The following CHD9NB variants were observed in gnomAD, a reference collection of about 807,000 sequenced individuals.
CHD9NB encodes CHD9 neighbor protein.
At chr16:53,041,425 C>T in the CHD9NB span, among the ~76,000 whole-genome samples, 1 of 152,224 alleles carries the variant, frequency 6.6e-6, no homozygotes, top group Admixed American at 6.5e-5. Flanking sequence ...TGCAGCATGC[C>T]TGCCACAGCT....
the CHD9NB span, among the ~76,000 whole-genome samples, chr16:53,037,909 T>C: frequency 0.058 from 8,823 of 152,202 alleles, 450 homozygotes; most frequent in East Asian, 0.17. Flanking sequence ...ACAGAATATA[T>C]CGAGATATAT....
the CHD9NB span, among the ~76,000 whole-genome samples, chr16:53,039,306 C>A: frequency 6.6e-6 from 1 of 152,180 alleles, no homozygotes; most frequent in African/African-American, 2.4e-5. Context: ...CGATGTCTCT[C>A]CTTCTCTCCA....
chr16:53,042,592 C>T, the CHD9NB span, among the ~76,000 whole-genome samples: 10 of 151,442 alleles, frequency 6.6e-5, no homozygotes, highest in East Asian at 2.0e-4. Flanking sequence ...CCTCCCTCCC[C>T]GTCCCCCACC....
At chr16:53,038,715 T>C in the CHD9NB span, among the ~76,000 whole-genome samples, 1 of 152,132 alleles carries the variant, frequency 6.6e-6, no homozygotes, top group Non-Finnish European at 1.5e-5. Flanking sequence ...GGTTTTATTG[T>C]AGGGGAGAGA....
At chr16:53,040,172 C>T in the CHD9NB span, among the ~76,000 whole-genome samples, 4 of 152,014 alleles carry the variant, frequency 2.6e-5, no homozygotes, top group South Asian at 2.1e-4. Flanking sequence ...CAGATTCAAG[C>T]GATTCTCGTG....
chr16:53,049,322 T>TTGTGTGTG, the CHD9NB span, among the ~76,000 whole-genome samples: 3,536 of 144,960 alleles, frequency 0.024, 157 homozygotes, highest in African/African-American at 0.087. Context: ...CCCCCAGCTG[T>TTGTGTGTG]TGTGTGTGTG....
chr16:53,039,224 G>C, the CHD9NB span, among the ~76,000 whole-genome samples: 5 of 152,156 alleles, frequency 3.3e-5, no homozygotes, highest in African/African-American at 1.2e-4. Flanking sequence ...GAGTTTATTG[G>C]CTTGTGAATC....
At chr16:53,037,072 AT>A in the CHD9NB span, among the ~76,000 whole-genome samples, 1 of 151,984 alleles carries the variant, frequency 6.6e-6, no homozygotes, top group Non-Finnish European at 1.5e-5. Flanking sequence ...AGTAGCTGGG[AT>A]TACAGGCACA....
chr16:53,043,814 C>T, the CHD9NB span: 1 of 392,848 alleles, frequency 2.5e-6, no homozygotes. Context: ...TCCTTATAGA[C>T]TTATCCTCCC....
At chr16:53,049,260 A>G in the CHD9NB span, among the ~76,000 whole-genome samples, 1 of 151,890 alleles carries the variant, frequency 6.6e-6, no homozygotes, top group Non-Finnish European at 1.5e-5. Flanking sequence ...GGCTCAAGCC[A>G]TCCTCCTGCC....
chr16:53,050,823 C>T, the CHD9NB span, among the ~76,000 whole-genome samples: 2 of 152,096 alleles, frequency 1.3e-5, no homozygotes, highest in Non-Finnish European at 2.9e-5. Context: ...GGACCTGACA[C>T]CATCTTGCCC....
chr16:53,052,196 T>TAA, the CHD9NB span, among the ~76,000 whole-genome samples: 1,624 of 83,572 alleles, frequency 0.019, 31 homozygotes, highest in African/African-American at 0.058. Context: ...CTGAGCAACA[T>TAA]AAAAAAAAAA....
At chr16:53,040,720 T>C in the CHD9NB span, among the ~76,000 whole-genome samples, 6 of 152,188 alleles carry the variant, frequency 3.9e-5, no homozygotes, top group African/African-American at 1.4e-4. Context: ...GAATGAATGA[T>C]GAGTGATAGA....
the CHD9NB span, among the ~76,000 whole-genome samples, chr16:53,039,250 T>C: frequency 2.0e-5 from 3 of 152,138 alleles, no homozygotes; most frequent in Non-Finnish European, 4.4e-5. Flanking sequence ...GGGGAAGAAT[T>C]ATTCTGGCAT....
chr16:53,044,171 C>T, the CHD9NB span: 1 of 398,730 alleles, frequency 2.5e-6, no homozygotes, highest in East Asian at 3.6e-5. Flanking sequence ...CAGAGGGACA[C>T]AGAGGATCCA....
At chr16:53,045,182 C>T in the CHD9NB span, among the ~76,000 whole-genome samples, 1 of 152,074 alleles carries the variant, frequency 6.6e-6, no homozygotes, top group South Asian at 2.1e-4. Context: ...AGGCTGATCT[C>T]GAATTCCTGG....
chr16:53,045,094 C>T, the CHD9NB span, among the ~76,000 whole-genome samples: 1 of 152,006 alleles, frequency 6.6e-6, no homozygotes, highest in Admixed American at 6.6e-5. Flanking sequence ...CCACCATGCC[C>T]AGCTAAGTTT....
At chr16:53,036,092 G>C in the CHD9NB span, 2 of 152,308 alleles carry the variant, frequency 1.3e-5, 1 homozygote, top group Middle Eastern at 6.8e-3. Context: ...GTCCCAGGTG[G>C]ACACGAAGTT....
chr16:53,049,983 C>G, the CHD9NB span, among the ~76,000 whole-genome samples: 2 of 152,076 alleles, frequency 1.3e-5, no homozygotes, highest in African/African-American at 4.8e-5. Context: ...GTGGGCGGAT[C>G]ACTTGACGTC....
Sources: allele counts gnomAD v4.1 joint callset (sites outside exome capture counted in the v4.1 genomes callset), GRCh38; gene constraint gnomAD v4.1.1; transcripts MANE v1.5; gene names NCBI Gene and HGNC (gene_info 2026-07-23, HGNC 2026-07-21).